SLC9B1: variants seen among roughly 807,000 people sequenced by gnomAD.
SLC9B1 encodes solute carrier family 9 member B1, also known as sodium/hydrogen exchanger 9B1.
A neutral mutation model predicts 51.7 loss-of-function variants in SLC9B1; 32 were observed. The ratio of observed to expected loss-of-function variants is 0.62; its 90% confidence interval spans 0.47 to 0.83. The LOEUF is 0.83. SLC9B1 is among the 40% of genes least tolerant of loss of function. The probability of loss-of-function intolerance (pLI) is 0.00; values close to 1 mark genes in which losing one functional copy is unlikely to be tolerated. For synonymous variants in SLC9B1, 145 were observed against 212.7 expected, an observed-to-expected ratio of 0.68 and a Z score of 2.77; for missense variants, 406 against 613.2, an observed-to-expected ratio of 0.66 and a Z score of 3.57.
chr4:102,914,782 A>G (rs1235763513), intron 7 of SLC9B1, among the ~76,000 whole-genome samples: 1 of 152,224 alleles, frequency 6.6e-6, no homozygotes, highest in Non-Finnish European at 1.5e-5. Context: ...GTATTATGAA[A>G]GTGCCAGAAG....
At chr4:102,955,903 GAGA>G (rs1737788116) in intron 3 of SLC9B1, among the ~76,000 whole-genome samples, 2 of 81,924 alleles carry the variant, frequency 2.4e-5, no homozygotes, top group Non-Finnish European at 4.9e-5. Context: ...GAAAGAAAGA[GAGA>G]GAAAGACCCA....
At chr4:102,906,475 T>C (rs749997509) in intron 10 of SLC9B1, 61 bp downstream of exon 10, 1 of 833,864 alleles carries the variant, frequency 1.2e-6, no homozygotes, top group African/African-American at 1.7e-5. Context: ...AAAATAAATG[T>C]ATTTATAATT....
rs1383808465 is a variant in SLC9B1 at position 102,932,150 on chromosome 4, G to A, written c.803C>T (p.Thr268Ile). 1.2e-5 allele frequency: 20 copies of A among 1,611,946 alleles called. No homozygotes were observed. Among genetic ancestry groups the A allele is most frequent in the Non-Finnish European group, 1.7e-5 (20 of 1,179,776 alleles). ...TGAGGAAAAGACTATGCTCAAGCAT[G>A]TATTGAATCCAGTGATAGCCAGAAT... ...DDILAITGFN[T>I]CLSIVFSSGG... The change falls in exon 7 of 12, where the codon ACA (threonine) becomes ATA (isoleucine). Residue 268 changes from threonine (T) to isoleucine (I), a missense_variant. Thr to Ile is a moderately conservative substitution (Grantham distance 89). Around this residue, in one of 6 missense-constraint regions of SLC9B1, gnomAD observed 250 missense variants for 394.1 expected, o/e 0.63. Transcript: ENST00000296422.
At chr4:102,923,449 C>A (rs1043285831) in intron 7 of SLC9B1, among the ~76,000 whole-genome samples, 1 of 152,138 alleles carries the variant, frequency 6.6e-6, no homozygotes, top group African/African-American at 2.4e-5. Flanking sequence ...AACCCACAGC[C>A]AATATCATAC....
rs75028435 is a variant in SLC9B1 at position 103,015,693 on chromosome 4, A to G, written c.-2+3906T>C. Among the ~76,000 whole-genome samples, 185 of 151,600 alleles carry G rather than the reference A, an allele frequency of 1.2e-3. 6 individuals are homozygous for G. In the East Asian group the frequency reaches 0.03, roughly 24 times the overall value. On this transcript the variant is annotated intron_variant, in intron 1 of 11. Coordinates refer to ENST00000296422, the MANE Select transcript of SLC9B1 (RefSeq NM_139173.4). ...ACCTCCTACCCAAATATTCCTCCTC[A>G]CTCTTTACTAATCTTGCGTCATACC...
chr4:102,940,133 C>G (rs1560940319), intron 6 of SLC9B1, among the ~76,000 whole-genome samples: 1 of 152,200 alleles, frequency 6.6e-6, no homozygotes, highest in Non-Finnish European at 1.5e-5. Context: ...GCTCCCAGAT[C>G]TGACAAATGA....
chr4:102,925,579 T>C (rs752257624), intron 7 of SLC9B1, among the ~76,000 whole-genome samples: 14 of 151,696 alleles, frequency 9.2e-5, no homozygotes, highest in South Asian at 2.1e-4. Flanking sequence ...CACTGTCCTA[T>C]ATACCATATC....
At chr4:102,949,168 A>G (rs1737418672) in intron 4 of SLC9B1, 89 bp downstream of exon 4, 4 of 1,095,330 alleles carry the variant, frequency 3.7e-6, no homozygotes, top group African/African-American at 1.6e-5. Flanking sequence ...ACATTGAAAT[A>G]TTTCTGAATT....
At chr4:102,927,607 A>G (rs1306184800) in intron 7 of SLC9B1, among the ~76,000 whole-genome samples, 4 of 152,330 alleles carry the variant, frequency 2.6e-5, no homozygotes, top group Non-Finnish European at 5.9e-5. Context: ...AGAAATAGGA[A>G]CACTTTTACA....
chr4:102,975,814 C>T (rs1261638420), intron 3 of SLC9B1, among the ~76,000 whole-genome samples: 2 of 151,198 alleles, frequency 1.3e-5, no homozygotes, highest in African/African-American at 2.4e-5. Context: ...GTGATCTGCC[C>T]GCCTCAGCCC....
intron 11 of SLC9B1, among the ~76,000 whole-genome samples, chr4:102,895,269 T>G (rs924737856): frequency 1.4e-4 from 22 of 152,140 alleles, no homozygotes; most frequent in African/African-American, 5.1e-4. Context: ...AATTGGACCC[T>G]CAATTTACAC....
intron 2 of SLC9B1, 39 bp from the exon 3 acceptor site, chr4:102,989,980 T>C (rs774369805): frequency 4.0e-6 from 6 of 1,506,804 alleles, no homozygotes; most frequent in Non-Finnish European, 5.4e-6. Context: ...AACCATACTT[T>C]CTGTATAATT....
intron 6 of SLC9B1, among the ~76,000 whole-genome samples, chr4:102,938,718 GACGA>G (rs1236431908): frequency 1.3e-5 from 2 of 152,114 alleles, no homozygotes; most frequent in Non-Finnish European, 2.9e-5. Flanking sequence ...TCAACACTAA[GACGA>G]ACTCTCAAAA....
chr4:102,981,812 A>G (rs982540474), intron 3 of SLC9B1, among the ~76,000 whole-genome samples: 1 of 152,072 alleles, frequency 6.6e-6, no homozygotes, highest in African/African-American at 2.4e-5. Context: ...TTGTCTTTTC[A>G]TTCTCTTGAA....
intron 1 of SLC9B1, among the ~76,000 whole-genome samples, chr4:103,005,334 C>G (rs1384779295): frequency 2.7e-5 from 4 of 148,144 alleles, no homozygotes; most frequent in Non-Finnish European, 6.0e-5. Flanking sequence ...TTTAAACAAA[C>G]AGTGATGAAA....
intron 1 of SLC9B1, 106 bp from the exon 2 acceptor site, chr4:102,991,818 T>A: frequency 1.4e-6 from 1 of 704,100 alleles, no homozygotes; most frequent in Non-Finnish European, 2.2e-6. Flanking sequence ...TTTTTTGTTC[T>A]AAAGTTGTAT....
At chr4:102,942,343 G>A (rs1036600905) in intron 6 of SLC9B1, among the ~76,000 whole-genome samples, 10 of 152,046 alleles carry the variant, frequency 6.6e-5, no homozygotes. Context: ...AATTAATGTG[G>A]AGCCCAAAAA....
At chr4:102,972,491 TCGCCTCGG>T (rs1180895268) in intron 3 of SLC9B1, among the ~76,000 whole-genome samples, 1 of 152,084 alleles carries the variant, frequency 6.6e-6, no homozygotes, top group Non-Finnish European at 1.5e-5. Flanking sequence ...GGTGATCTGC[TCGCCTCGG>T]CCTCCCAAAG....
At chr4:102,960,054 A>C (rs1738021639) in intron 3 of SLC9B1, among the ~76,000 whole-genome samples, 2 of 152,062 alleles carry the variant, frequency 1.3e-5, no homozygotes, top group African/African-American at 4.8e-5. Context: ...CATCACAGAT[A>C]ATTTGAGAAG....
Sources: allele counts gnomAD v4.1 joint callset (sites outside exome capture counted in the v4.1 genomes callset), GRCh38; gene constraint gnomAD v4.1.1; regional missense constraint gnomAD v4.1.1; transcripts MANE v1.5; gene names NCBI Gene and HGNC (gene_info 2026-07-23, HGNC 2026-07-21).